Variants in PTPN21 observed in about 807,000 individuals in gnomAD.
PTPN21 encodes tyrosine-protein phosphatase non-receptor type 21.
Under a neutral mutation model 131.8 loss-of-function variants are expected in PTPN21, and 77 were observed. That is an observed-to-expected ratio of 0.58 (90% CI 0.49 to 0.71). The LOEUF (loss-of-function observed/expected upper bound fraction) is 0.71, where lower values mean the gene tolerates loss of function less well. PTPN21 is among the 30% of genes least tolerant of loss of function. PTPN21 has a pLI of 0.00. For missense variants in PTPN21, 1,552 were observed against 1,527.1 expected, an observed-to-expected ratio of 1.02 and a Z score of -0.27; for synonymous variants, 715 against 621.3, an observed-to-expected ratio of 1.15 and a Z score of -2.24.
chr14:88,479,730 T>C lies in PTPN21; in HGVS notation c.1701A>G (p.Pro567=). The stretch of plus-strand genomic sequence containing the variant: ...TGGCGGGCCTGGGGGGCGGGTAGGG[T>C]GGGGGTGGCCGGTACACCTGCGTCC... The part of the protein sequence containing the change: ...IMRTQVYRPP[P]PYPPPRPANS... The change falls in exon 13 of 19, where the codon CCA becomes CCG. Residue 567 remains proline (P), a synonymous_variant. Coordinates refer to ENST00000556564, the MANE Select transcript of PTPN21 (RefSeq NM_007039.4). 1 of 95,648 alleles carries C rather than the reference T, an allele frequency of 1.0e-5. No homozygotes were observed. The highest frequency in any genetic ancestry group is 1.7e-5 in the Non-Finnish European group (1 of 57,772). 5.9% of individuals were successfully genotyped at this position (95,648 alleles called of 1,614,324 possible).
At chr14:88,470,775 C>T (rs929001716) in intron 15 of PTPN21, among the ~76,000 whole-genome samples, 2 of 152,136 alleles carry the variant, frequency 1.3e-5, no homozygotes, top group African/African-American at 2.4e-5. Context: ...TGGATGAGTA[C>T]CAGGTTATAA....
rs760345882 is a variant in PTPN21 at position 88,550,281 on chromosome 14, T to C, written c.137A>G (p.Gln46Arg). The part of the protein sequence containing the change: ...EFTLSVESTG[Q>R]ESLEAVAQRL... ...CTGGGCCACGGCCTCGAGGCTTTCC[T>C]GGCCAGTGCTCTCCACGGACAGGGT... The change falls in exon 2 of 19, where the codon CAG becomes CGG. Residue 46 changes from glutamine (Q) to arginine (R), a missense_variant. Physicochemically the swap from Gln to Arg is conservative, Grantham distance 43. This residue lies in a region of PTPN21 where 206 missense variants were observed against 221.6 expected (regional missense o/e 0.93). Transcript: ENST00000556564. 1 of 1,614,182 alleles carries C rather than the reference T, an allele frequency of 6.2e-7. No individual in the cohort carries two copies. Among genetic ancestry groups the C allele is most frequent in the South Asian group, 1.1e-5 (1 of 91,092 alleles).
At position 88,473,751 on chromosome 14, in the gene PTPN21, C is replaced by A; in HGVS notation, c.2563G>T (p.Ala855Ser). ...DAKKIGPLKL[A>S]ALNGLSLSRV... Reference sequence around the variant, plus strand: ...GATAGGGAGAGTCCATTTAGGGCAGCCAGTTTAAGAGGACCAATTTTTTTT... The same window carrying A: ...GATAGGGAGAGTCCATTTAGGGCAGACAGTTTAAGAGGACCAATTTTTTTT... The change falls in exon 14 of 19, where the codon GCT becomes TCT. Residue 855 changes from alanine (A) to serine (S), a missense_variant. Coordinates refer to ENST00000556564, the MANE Select transcript of PTPN21 (RefSeq NM_007039.4). The A allele has an allele frequency of 6.2e-7, 1 of 1,611,002 alleles. No individual in the cohort carries two copies. The highest frequency in any genetic ancestry group is 2.2e-5 in the East Asian group (1 of 44,804).
At chr14:88,510,612 C>G (rs2078162855) in intron 3 of PTPN21, among the ~76,000 whole-genome samples, 4 of 152,154 alleles carry the variant, frequency 2.6e-5, no homozygotes, top group Admixed American at 2.6e-4. Context: ...TGGTCGAGAG[C>G]AAGGACCCAG....
intron 2 of PTPN21, among the ~76,000 whole-genome samples, chr14:88,529,717 C>T (rs896112318): frequency 1.4e-4 from 21 of 152,258 alleles, no homozygotes; most frequent in African/African-American, 4.6e-4. Flanking sequence ...TGCAGTGGCT[C>T]ACTCCTGTAA....
At chr14:88,538,960 A>T (rs1055109866) in intron 2 of PTPN21, among the ~76,000 whole-genome samples, 1 of 152,222 alleles carries the variant, frequency 6.6e-6, no homozygotes, top group African/African-American at 2.4e-5. Context: ...AGATCTTCTT[A>T]TCATGGTTTT....
At chr14:88,551,914 A>T (rs1211218565) in intron 1 of PTPN21, 1 of 152,246 alleles carries the variant, frequency 6.6e-6, no homozygotes. Context: ...TATCAGCTGG[A>T]TTAGTTTTTT....
chr14:88,537,922 G>A (rs2078653024), intron 2 of PTPN21, among the ~76,000 whole-genome samples: 1 of 152,054 alleles, frequency 6.6e-6, no homozygotes, highest in Non-Finnish European at 1.5e-5. Flanking sequence ...AATGGTATTT[G>A]TGTATCTACA....
In PTPN21 at chr14:88,479,709, G is replaced by A. The variant is rs28617592; in HGVS notation, c.1722C>T (p.Pro574=). 1.3e-6 allele frequency: 2 copies of A among 1,501,502 alleles called. No individual in the cohort carries two copies. The highest frequency in any genetic ancestry group is 1.8e-6 in the Non-Finnish European group (2 of 1,135,916). The allele number at this position is 1,501,502 out of a possible 1,614,324, so 93.0% of individuals were successfully genotyped here. The change falls in exon 13 of 19, where the codon CCC becomes CCT. Residue 574 remains proline, a synonymous_variant. Transcript: ENST00000556564. ...RPPPPYPPPR[P]ANSTPDLSRH... ...GGGACAGGTCTGGCGTGCTGTTGGCGGGCCTGGGGGGCGGGTAGGGTGGGG... is the reference window on the plus strand; with the variant it reads ...GGGACAGGTCTGGCGTGCTGTTGGCAGGCCTGGGGGGCGGGTAGGGTGGGG...
At position 88,480,305 on chromosome 14, in the gene PTPN21, T is replaced by G. The variant is rs777571208; in HGVS notation, c.1126A>C (p.Thr376Pro). Residue 376 changes from threonine to proline, a missense_variant, in exon 13 of 19, where the codon ACA becomes CCA. By Grantham distance (38) the Thr-to-Pro change is conservative. Around this residue, in one of 4 missense-constraint regions of PTPN21, gnomAD observed 1,016 missense variants for 883.5 expected, o/e 1.15. Coordinates refer to ENST00000556564, the MANE Select transcript of PTPN21 (RefSeq NM_007039.4). ...NQNGYYCHSQ[T>P]SLDRAQIDLN... ...TCAATCTGGGCTCTATCCAAGCTTG[T>G]CTGAGAGTGACAGTAGTATCCGTTC... 7 of 1,614,182 alleles carry G rather than the reference T, an allele frequency of 4.3e-6. No homozygotes were observed. Among genetic ancestry groups the G allele is most frequent in the Non-Finnish European group, 5.9e-6 (7 of 1,180,020 alleles).
chr14:88,494,192 A>T (rs1050909670), intron 10 of PTPN21, among the ~76,000 whole-genome samples: 2 of 152,132 alleles, frequency 1.3e-5, no homozygotes, highest in Non-Finnish European at 2.9e-5. Flanking sequence ...AGCAGGCTGC[A>T]ATGAGGGAGC....
At chr14:88,494,252 G>A (rs995158298) in intron 10 of PTPN21, among the ~76,000 whole-genome samples, 4 of 152,136 alleles carry the variant, frequency 2.6e-5, no homozygotes, top group African/African-American at 9.7e-5. Context: ...CCCCTAGGGT[G>A]AGGCACATCT....
At chr14:88,488,768 C>T (rs562723567) in intron 10 of PTPN21, among the ~76,000 whole-genome samples, 7 of 152,198 alleles carry the variant, frequency 4.6e-5, no homozygotes, top group Non-Finnish European at 7.4e-5. Flanking sequence ...TAGTGCACTA[C>T]GATCCCATCT....
rs768737798 is a variant in PTPN21 at position 88,479,740 on chromosome 14, C to T, written c.1691G>A (p.Arg564Gln). Residue 564 changes from arginine (R) to glutamine (Q), a missense_variant, in exon 13 of 19, where the codon CGG (arginine) becomes CAG (glutamine). Around this residue, in one of 4 missense-constraint regions of PTPN21, gnomAD observed 1,016 missense variants for 883.5 expected, o/e 1.15. Coordinates refer to ENST00000556564, the MANE Select transcript of PTPN21 (RefSeq NM_007039.4). ...SPNIMRTQVY[R>Q]PPPPYPPPRP... is the part of the protein sequence containing the mutation. ...GGGGGGCGGGTAGGGTGGGGGTGGCCGGTACACCTGCGTCCGCATGATGTT... is the reference window on the plus strand; with the variant it reads ...GGGGGGCGGGTAGGGTGGGGGTGGCTGGTACACCTGCGTCCGCATGATGTT... 2.0e-6 allele frequency: 3 copies of T among 1,535,340 alleles called. No individual in the cohort carries two copies. Among genetic ancestry groups the T allele is most frequent in the South Asian group, 2.5e-5 (2 of 79,704 alleles).
intron 12 of PTPN21, among the ~76,000 whole-genome samples, chr14:88,483,795 G>A (rs2077689448): frequency 6.6e-6 from 1 of 152,156 alleles, no homozygotes; most frequent in Non-Finnish European, 1.5e-5. Flanking sequence ...CTCTTCCACT[G>A]AGGAGCATGG....
At chr14:88,474,792 CCT>C (rs757828343) in intron 13 of PTPN21, among the ~76,000 whole-genome samples, 3 of 152,142 alleles carry the variant, frequency 2.0e-5, no homozygotes, top group Non-Finnish European at 4.4e-5. Flanking sequence ...GCATGATTTT[CCT>C]CTCTGAGAAT....
intron 6 of PTPN21, 150 bp downstream of exon 6, chr14:88,504,275 T>A: frequency 1.6e-6 from 1 of 630,736 alleles, no homozygotes; most frequent in Non-Finnish European, 2.8e-6. Context: ...TATATAAATG[T>A]TGGCTACTTG....
At chr14:88,477,467 A>AAAAAAAAAAAC (rs2077564861) in intron 13 of PTPN21, among the ~76,000 whole-genome samples, 2 of 150,560 alleles carry the variant, frequency 1.3e-5, no homozygotes, top group Non-Finnish European at 2.9e-5. Context: ...AAAAAAAAAA[A>AAAAAAAAAAAC]AAAGCAAATT....
intron 2 of PTPN21, among the ~76,000 whole-genome samples, chr14:88,547,356 T>G (rs1397683356): frequency 2.0e-5 from 3 of 147,326 alleles, no homozygotes; most frequent in East Asian, 2.0e-4. Flanking sequence ...AAATAGAATA[T>G]AAGCCACTAA....
Sources: allele counts gnomAD v4.1 joint callset (sites outside exome capture counted in the v4.1 genomes callset), GRCh38; gene constraint gnomAD v4.1.1; regional missense constraint gnomAD v4.1.1; transcripts MANE v1.5; gene names NCBI Gene and HGNC (gene_info 2026-07-23, HGNC 2026-07-21).